The following ATP6V1H variants were observed in gnomAD, a reference collection of about 807,000 sequenced individuals.
ATP6V1H encodes the protein V-type proton ATPase subunit H.
In ATP6V1H, 39 loss-of-function variants were observed where a neutral mutation model predicts 71.7. The ratio of observed to expected loss-of-function variants is 0.54; its 90% CI spans 0.42 to 0.71. The LOEUF (loss-of-function observed/expected upper bound fraction) is 0.71, where lower values mean the gene tolerates loss of function less well. Among genes scored for constraint, ATP6V1H ranks in the 30% least tolerant of loss-of-function variants. ATP6V1H has a pLI of 0.00. For missense variants in ATP6V1H, 509 were observed against 594.9 expected, an observed-to-expected ratio of 0.86 and a Z score of 1.50; for synonymous variants, 192 against 199.3, an observed-to-expected ratio of 0.96 and a Z score of 0.31.
chr8:53,743,446 A>G (rs528323484), intron 13 of ATP6V1H, 131 bp downstream of exon 13: 1 of 724,336 alleles, frequency 1.4e-6, no homozygotes, highest in African/African-American at 1.8e-5. Context: ...ACTAAAATAT[A>G]TTTCTAAATT....
chr8:53,787,501 T>A (rs1229237117), intron 9 of ATP6V1H, among the ~76,000 whole-genome samples: 1 of 151,896 alleles, frequency 6.6e-6, no homozygotes, highest in African/African-American at 2.4e-5. Context: ...TTAAACATCA[T>A]GATTAATCTA....
rs1806412344 is a variant in ATP6V1H at position 53,716,042 on chromosome 8, A to G, written c.1392-18T>C. 1 of 1,595,926 alleles carries G rather than the reference A, an allele frequency of 6.3e-7. No individual in the cohort carries two copies. The highest frequency in any genetic ancestry group is 1.7e-5 in the Admixed American group (1 of 57,370). On this transcript the variant is annotated intron_variant, in intron 13 of 13. Transcript: ENST00000359530. ...GGTATTCCCTGAAAAAAAAGAATGA[A>G]GTAAGGAGAATGAGAATTTCAATAG...
chr8:53,769,859 AC>A, intron 10 of ATP6V1H, 116 bp from the exon 11 acceptor site: 2 of 847,154 alleles, frequency 2.4e-6, no homozygotes, highest in East Asian at 2.8e-5. Flanking sequence ...CATCCTTTGT[AC>A]ATTAAAAAAC....
rs562243257 is a variant in ATP6V1H at position 53,746,267 on chromosome 8, C to CT, written c.1278-2578dup. The stretch of plus-strand genomic sequence containing the variant: ...ATGATTGATATTATTATGTTTATTT[C>CT]TTTTTTTTTTTTTTGAGACAAGAAT... On this transcript the variant is annotated intron_variant, in intron 12 of 13. Coordinates refer to ENST00000359530, the MANE Select transcript of ATP6V1H (RefSeq NM_015941.4). 7.6e-3 allele frequency among the ~76,000 whole-genome samples: 1,094 copies of CT among 143,236 alleles called. 11 individuals are homozygous for CT. Among genetic ancestry groups the CT allele is most frequent in the East Asian group, 0.021 (102 of 4,954 alleles). 94.0% of individuals were successfully genotyped at this position (143,236 alleles called of 152,430 possible). A position where few individuals can be genotyped will look rare whatever the true frequency, so the allele number is the denominator to read the frequency against.
chr8:53,831,709 C>T (rs1585837402), intron 3 of ATP6V1H: 1 of 151,182 alleles, frequency 6.6e-6, no homozygotes, highest in East Asian at 1.9e-4. Context: ...CATATCAAAA[C>T]TCTCACACGC....
At chr8:53,797,687 T>C (rs1809786394) in intron 8 of ATP6V1H, among the ~76,000 whole-genome samples, 1 of 144,884 alleles carries the variant, frequency 6.9e-6, no homozygotes, top group African/African-American at 2.7e-5. Flanking sequence ...TCAAGAGTCA[T>C]TTTTTTTTTT....
chr8:53,762,363 G>A (rs1808299735), intron 11 of ATP6V1H, among the ~76,000 whole-genome samples: 1 of 152,056 alleles, frequency 6.6e-6, no homozygotes, highest in Non-Finnish European at 1.5e-5. Context: ...ATACTACCAT[G>A]TTCATGGATT....
At chr8:53,754,557 A>C (rs1183659327) in intron 12 of ATP6V1H, among the ~76,000 whole-genome samples, 2 of 152,178 alleles carry the variant, frequency 1.3e-5, no homozygotes, top group African/African-American at 2.4e-5. Context: ...CCTTTTACAG[A>C]GCTCTCTACA....
At chr8:53,804,460 A>G (rs1279654776) in intron 7 of ATP6V1H, among the ~76,000 whole-genome samples, 1 of 152,178 alleles carries the variant, frequency 6.6e-6, no homozygotes, top group Non-Finnish European at 1.5e-5. Context: ...AGATCACTTG[A>G]GGTCAGAAGT....
chr8:53,743,326 C>G (rs1293414078), intron 13 of ATP6V1H, among the ~76,000 whole-genome samples: 1 of 152,132 alleles, frequency 6.6e-6, no homozygotes, highest in African/African-American at 2.4e-5. Context: ...TCACAGGGTC[C>G]TTTTAGTTAC....
intron 3 of ATP6V1H, 167 bp downstream of exon 3, chr8:53,832,817 T>G: frequency 2.2e-6 from 1 of 448,550 alleles, no homozygotes; most frequent in Non-Finnish European, 3.9e-6. Flanking sequence ...CAGGTGTATA[T>G]TCTAAGAAAA....
chr8:53,777,379 A>G (rs1166538042), intron 9 of ATP6V1H, among the ~76,000 whole-genome samples: 1 of 152,152 alleles, frequency 6.6e-6, no homozygotes, highest in Non-Finnish European at 1.5e-5. Flanking sequence ...CTGACTTCTC[A>G]TCAGAAACGA....
At chr8:53,805,001 C>A (rs976803036) in intron 7 of ATP6V1H, among the ~76,000 whole-genome samples, 1 of 152,126 alleles carries the variant, frequency 6.6e-6, no homozygotes, top group African/African-American at 2.4e-5. Flanking sequence ...CCATATACTA[C>A]AGAATTACAA....
intron 11 of ATP6V1H, 82 bp downstream of exon 11, chr8:53,769,536 A>G (rs771150365): frequency 5.8e-6 from 8 of 1,376,154 alleles, no homozygotes; most frequent in Non-Finnish European, 7.9e-6. Flanking sequence ...AGAATATCTA[A>G]AATTTAGAGT....
At chr8:53,820,606 A>G (rs1182113109) in intron 4 of ATP6V1H, among the ~76,000 whole-genome samples, 6 of 151,570 alleles carry the variant, frequency 4.0e-5, no homozygotes, top group African/African-American at 1.5e-4. Flanking sequence ...GTTTGAGGTT[A>G]CAGTGAGCTA....
intron 12 of ATP6V1H, among the ~76,000 whole-genome samples, chr8:53,750,757 A>G (rs1807765467): frequency 6.6e-6 from 1 of 152,224 alleles, no homozygotes; most frequent in Non-Finnish European, 1.5e-5. Flanking sequence ...GTCCACCGAG[A>G]AGTTAATGAC....
chr8:53,721,441 A>G lies in ATP6V1H; in HGVS notation c.1392-5417T>C, dbSNP rs74329729. ...TTTATGTCAGCCTAGGAAAAACAGT[A>G]TTTAACATCACAATATGTACCATTT... On this transcript the variant is annotated intron_variant, in intron 13 of 13. Coordinates refer to ENST00000359530, the MANE Select transcript of ATP6V1H (RefSeq NM_015941.4). Among the ~76,000 whole-genome samples the G allele has an allele frequency of 5.9e-5, 9 of 152,330 alleles. No individual in the cohort carries two copies. In the East Asian group the frequency reaches 1.7e-3, roughly 29 times the overall value.
intron 11 of ATP6V1H, among the ~76,000 whole-genome samples, chr8:53,758,051 A>G (rs560551935): frequency 1.3e-5 from 2 of 152,298 alleles, no homozygotes; most frequent in South Asian, 4.1e-4. Context: ...AAACCTTTCC[A>G]CTTTAGTTCT....
intron 3 of ATP6V1H, 83 bp downstream of exon 3, chr8:53,832,901 G>A: frequency 2.4e-6 from 2 of 835,582 alleles, no homozygotes; most frequent in Non-Finnish European, 1.9e-6. Context: ...CAAGAAAACT[G>A]GAAGTCACTT....
Sources: allele counts gnomAD v4.1 joint callset (sites outside exome capture counted in the v4.1 genomes callset), GRCh38; gene constraint gnomAD v4.1.1; transcripts MANE v1.5; gene names NCBI Gene and HGNC (gene_info 2026-07-23, HGNC 2026-07-21).